ADGRB2: variants seen among roughly 807,000 people sequenced by gnomAD.
The protein encoded by ADGRB2 is adhesion G protein-coupled receptor B2.
ADGRB2 carries 47 observed loss-of-function variants against 178.7 expected under a neutral mutation model. The ratio of observed to expected loss-of-function variants is 0.26; its 90% confidence interval spans 0.21 to 0.34. The LOEUF (loss-of-function observed/expected upper bound fraction) is 0.34, where lower values mean the gene tolerates loss of function less well. Among genes scored for constraint, ADGRB2 ranks in the 10% least tolerant of loss-of-function variants. The pLI, the probability that ADGRB2 is intolerant of heterozygous loss-of-function variation, is 1.00. For synonymous variants in ADGRB2, 870 were observed against 912.4 expected (o/e 0.95, Z 0.84); for missense variants, 1,584 against 2,180.8 (o/e 0.73, Z 5.45).
In ADGRB2 at chr1:31,729,967, G is replaced by A. The variant is rs557826389; in HGVS notation, c.4380+833C>T. Among the ~76,000 whole-genome samples, 13 of 152,382 alleles carry A rather than the reference G, an allele frequency of 8.5e-5. No individual in the cohort carries two copies. In the South Asian group the frequency reaches 1.4e-3, roughly 17 times the overall value. On this transcript the variant is annotated intron_variant, in intron 29 of 32. Coordinates refer to ENST00000373658, the MANE Select transcript of ADGRB2 (RefSeq NM_001364857.2). Reference sequence around the variant, plus strand: ...CCCCGTAGCTACTAACTTAATTTTCGTCTTGTGGCGGATGGGGAGTGGGTT... The same window carrying A: ...CCCCGTAGCTACTAACTTAATTTTCATCTTGTGGCGGATGGGGAGTGGGTT...
At chr1:31,743,107 G>A in intron 6 of ADGRB2, 105 bp from the exon 7 acceptor site, 1 of 1,249,994 alleles carries the variant, frequency 8.0e-7, no homozygotes, top group Non-Finnish European at 1.0e-6. Context: ...CTCTGCGGCT[G>A]CTCCTCATTG....
rs924376809 is a variant in ADGRB2, at chr1:31,735,905, G to T, written c.3201-12C>A. 6.3e-7 allele frequency: 1 copy of T among 1,578,834 alleles called. No individual in the cohort carries two copies. Among genetic ancestry groups the T allele is most frequent in the Admixed American group, 1.8e-5 (1 of 54,270 alleles). ...GGGAGAGCCAGCAGCTGGGGTGGGG[G>T]AGAAGAAGGGTGTCAGACACCCAGC... On this transcript the variant is annotated splice_polypyrimidine_tract_variant and intron_variant, in intron 22 of 32. Coordinates refer to ENST00000373658, the MANE Select transcript of ADGRB2 (RefSeq NM_001364857.2). This position sits in a 1 kb window ranked among gnomAD's most constrained non-coding sequence, Gnocchi z 6.0.
At chr1:31,752,991 G>T (rs1051350956) in intron 4 of ADGRB2, among the ~76,000 whole-genome samples, 3 of 152,152 alleles carry the variant, frequency 2.0e-5, no homozygotes, top group Admixed American at 6.5e-5. Flanking sequence ...GGGGAGGTAG[G>T]GATTGTGGCC....
In ADGRB2 at chr1:31,740,595, C is replaced by A; in HGVS notation, c.1795-54G>T. On this transcript the variant is annotated intron_variant, in intron 11 of 32. Transcript: ENST00000373658. This position sits in a 1 kb window ranked among gnomAD's most constrained non-coding sequence, Gnocchi z 5.9. Reference sequence around the variant, plus strand: ...TGAAGTGTCAGGAGCTGGAACCAGACCCTGGCCCATCCCACTCCAGTCCAC... The same window carrying A: ...TGAAGTGTCAGGAGCTGGAACCAGAACCTGGCCCATCCCACTCCAGTCCAC... 6 of 1,499,588 alleles carry A rather than the reference C, an allele frequency of 4.0e-6. No homozygotes were observed. The highest frequency in any genetic ancestry group is 2.2e-5 in the Admixed American group (1 of 45,806). The allele number at this position is 1,499,588 out of a possible 1,614,324, so 92.9% of individuals were successfully genotyped here.
rs1645907278 is a variant in ADGRB2, at chr1:31,740,886, G to GGT, written c.1795-346_1795-345insAC. 3.8e-5 allele frequency among the ~76,000 whole-genome samples: 4 copies of GGT among 104,792 alleles called. No homozygotes were observed. Among genetic ancestry groups the GGT allele is most frequent in the East Asian group, 3.9e-4 (1 of 2,534 alleles). 68.7% of individuals were successfully genotyped at this position (104,792 alleles called of 152,430 possible). A position where few individuals can be genotyped will look rare whatever the true frequency, so the allele number is the denominator to read the frequency against. On this transcript the variant is annotated intron_variant, in intron 11 of 32. Coordinates refer to ENST00000373658, the MANE Select transcript of ADGRB2 (RefSeq NM_001364857.2). This position sits in a 1 kb window ranked among gnomAD's most constrained non-coding sequence, Gnocchi z 5.9. Reference sequence around the variant, plus strand: ...CTGGAGTGTAATGAGCATGTGTGTGGGCGCGCGCGCACACACACACACACA... The same window carrying GGT: ...CTGGAGTGTAATGAGCATGTGTGTGGGTGCGCGCGCGCACACACACACACACA...
chr1:31,743,146 G>T (rs969675159), intron 6 of ADGRB2, 144 bp from the exon 7 acceptor site: 14 of 998,918 alleles, frequency 1.4e-5, no homozygotes, highest in Admixed American at 1.1e-4. Context: ...TTGCCAGGGG[G>T]ATCTCCCAGG....
rs1195356944 is a variant in ADGRB2, at chr1:31,728,158, G to T, written c.4515+24C>A. On this transcript the variant is annotated intron_variant, in intron 31 of 32. Transcript: ENST00000373658. This position sits in a 1 kb window ranked among gnomAD's most constrained non-coding sequence, Gnocchi z 6.7. The stretch of plus-strand genomic sequence containing the variant: ...GTCAGGCCCTGAGCTTCAGGGCAGG[G>T]GCAGCCACGGGAGGAGCCCTCACCT... 6.2e-7 allele frequency: 1 copy of T among 1,614,006 alleles called. No homozygotes were observed. Among genetic ancestry groups the T allele is most frequent in the African/African-American group, 1.3e-5 (1 of 75,064 alleles).
chr1:31,755,225 C>T lies in ADGRB2; in HGVS notation c.838+774G>A, dbSNP rs1557788219. Among the ~76,000 whole-genome samples the T allele has an allele frequency of 6.6e-6, 1 of 152,234 alleles. No homozygotes were observed. The highest frequency in any genetic ancestry group is 1.5e-5 in the Non-Finnish European group (1 of 68,038). On this transcript the variant is annotated intron_variant, in intron 4 of 32. Coordinates refer to ENST00000373658, the MANE Select transcript of ADGRB2 (RefSeq NM_001364857.2). This position sits in a 1 kb window ranked among gnomAD's most constrained non-coding sequence, Gnocchi z 5.1. The stretch of plus-strand genomic sequence containing the variant: ...AGGATCCAGCTGAGGCCCTCAGGGC[C>T]TTGAAGCTGCAGGAAGCAGGGTCTG...
At position 31,754,867 on chromosome 1, in the gene ADGRB2, A is replaced by G. The variant is rs1202111478; in HGVS notation, c.838+1132T>C. On this transcript the variant is annotated intron_variant, in intron 4 of 32. Coordinates refer to ENST00000373658, the MANE Select transcript of ADGRB2 (RefSeq NM_001364857.2). This position sits in a 1 kb window ranked among gnomAD's most constrained non-coding sequence, Gnocchi z 5.7. ...AGGTAGAGGCCAACTCCAGGGCTCT[A>G]GCCAGCAGAGCAGGGCTGGGGACAG... is the stretch of plus-strand genomic sequence containing the variant. Among the ~76,000 whole-genome samples, 1 of 152,248 alleles carries G rather than the reference A, an allele frequency of 6.6e-6. No homozygotes were observed. The highest frequency in any genetic ancestry group is 1.5e-5 in the Non-Finnish European group (1 of 68,042).
At position 31,744,099 on chromosome 1, in the gene ADGRB2, G is replaced by C; in HGVS notation, c.1087+94C>G. ...CAGCCACATTTGTTGAATGAAAGGAGGAGGCAACCAACCATTTTGGAGATT... is the reference window on the plus strand; with the variant it reads ...CAGCCACATTTGTTGAATGAAAGGACGAGGCAACCAACCATTTTGGAGATT... On this transcript the variant is annotated intron_variant, in intron 6 of 32. Transcript: ENST00000373658. This position sits in a 1 kb window ranked among gnomAD's most constrained non-coding sequence, Gnocchi z 6.7. 1 of 1,399,656 alleles carries C rather than the reference G, an allele frequency of 7.1e-7. No individual in the cohort carries two copies. The highest frequency in any genetic ancestry group is 1.9e-4 in the Middle Eastern group (1 of 5,378). 86.7% of individuals were successfully genotyped at this position (1,399,656 alleles called of 1,614,324 possible). A position where few individuals can be genotyped will look rare whatever the true frequency, so the allele number is the denominator to read the frequency against.
intron 7 of ADGRB2, among the ~76,000 whole-genome samples, chr1:31,742,519 G>A (rs1365636419): frequency 1.3e-5 from 2 of 152,214 alleles, no homozygotes; most frequent in African/African-American, 4.8e-5. Flanking sequence ...ATCTTTGCCA[G>A]CACTTCAGCC....
Position 31,755,361 on chromosome 1 carries a change from C to T in ADGRB2, c.838+638G>A, listed in dbSNP as rs1253120825. 4.6e-5 allele frequency among the ~76,000 whole-genome samples: 7 copies of T among 152,256 alleles called. No individual in the cohort carries two copies. The highest frequency in any genetic ancestry group is 1.9e-4 in the East Asian group (1 of 5,174). ...AGGAAGCTCTAGCAGCTGGCGGCCT[C>T]GGTCCCAGAAGACATGGGTCCTGAG... On this transcript the variant is annotated intron_variant, in intron 4 of 32. Transcript: ENST00000373658. The surrounding 1 kb of genome is among the most constrained non-coding windows in gnomAD (Gnocchi z 5.1).
At position 31,733,589 on chromosome 1, in the gene ADGRB2, C is replaced by T. The variant is rs551722943; in HGVS notation, c.3453-446G>A. Reference sequence around the variant, plus strand: ...AACAACCACAGTGAGAGAACGCATGCGACAGAGACACCCAGACAGAAAGAT... The same window carrying T: ...AACAACCACAGTGAGAGAACGCATGTGACAGAGACACCCAGACAGAAAGAT... On this transcript the variant is annotated intron_variant, in intron 25 of 32. Coordinates refer to ENST00000373658, the MANE Select transcript of ADGRB2 (RefSeq NM_001364857.2). This position sits in a 1 kb window ranked among gnomAD's most constrained non-coding sequence, Gnocchi z 4.3. Among the ~76,000 whole-genome samples, 5 of 152,238 alleles carry T rather than the reference C, an allele frequency of 3.3e-5. No individual in the cohort carries two copies. The South Asian group carries it at 6.2e-4, about 19-fold the overall frequency.
At position 31,738,213 on chromosome 1, in the gene ADGRB2, G is replaced by T. The variant is rs200992106; in HGVS notation, c.2759C>A (p.Pro920Gln). 1 of 1,614,118 alleles carries T rather than the reference G, an allele frequency of 6.2e-7. No homozygotes were observed. Among genetic ancestry groups the T allele is most frequent in the Non-Finnish European group, 8.5e-7 (1 of 1,180,000 alleles). ...HLSTFAVLAQ[P>Q]PKDLTLELAG... Reference sequence around the variant, plus strand: ...TGTTCCACTCACCAGGTCCTTGGGCGGCTGGGCTAGTACAGCAAAGGTGGA... The same window carrying T: ...TGTTCCACTCACCAGGTCCTTGGGCTGCTGGGCTAGTACAGCAAAGGTGGA... The change falls in exon 18 of 33, where the codon CCG becomes CAG. Residue 920 changes from proline to glutamine, a missense_variant. This residue lies in a region of ADGRB2 where 865 missense variants were observed against 1,192.8 expected (regional missense o/e 0.73). Transcript: ENST00000373658.
chr1:31,730,605 G>T (rs1023045131), intron 29 of ADGRB2, among the ~76,000 whole-genome samples, 195 bp downstream of exon 29: 1 of 152,222 alleles, frequency 6.6e-6, no homozygotes, highest in Non-Finnish European at 1.5e-5. Context: ...TCTACTGTGT[G>T]AAGTCCCAGC....
rs1328891803 is a variant in ADGRB2, at chr1:31,727,803, C to T, written c.4573-198G>A. On this transcript the variant is annotated intron_variant, in intron 32 of 32. Coordinates refer to ENST00000373658, the MANE Select transcript of ADGRB2 (RefSeq NM_001364857.2). This position sits in a 1 kb window ranked among gnomAD's most constrained non-coding sequence, Gnocchi z 4.4. ...CCCCTGTTCTCAGTGGCCCCCAGGA[C>T]ATGTCTCCTGCTGACCACTCTCCCT... 1 of 847,064 alleles carries T rather than the reference C, an allele frequency of 1.2e-6. No individual in the cohort carries two copies. Among genetic ancestry groups the T allele is most frequent in the Admixed American group, 2.9e-5 (1 of 33,932 alleles). 52.5% of individuals were successfully genotyped at this position (847,064 alleles called of 1,614,324 possible). A position where few individuals can be genotyped will look rare whatever the true frequency, so the allele number is the denominator to read the frequency against.
At position 31,727,228 on chromosome 1, in the gene ADGRB2, A is replaced by G; in HGVS notation, c.*192T>C. 1 of 584,028 alleles carries G rather than the reference A, an allele frequency of 1.7e-6. No homozygotes were observed. The highest frequency in any genetic ancestry group is 2.7e-6 in the Non-Finnish European group (1 of 363,686). The allele number at this position is 584,028 out of a possible 1,614,324, so 36.2% of individuals were successfully genotyped here. A position where few individuals can be genotyped will look rare whatever the true frequency, so the allele number is the denominator to read the frequency against. ...GGTTCCAGTGGCTGAGGGGCCTCTG[A>G]GAAACAAGGAAGGGCCCTGGGACCC... On this transcript the variant is annotated 3_prime_UTR_variant, in exon 33 of 33. Coordinates refer to ENST00000373658, the MANE Select transcript of ADGRB2 (RefSeq NM_001364857.2). The surrounding 1 kb of genome is among the most constrained non-coding windows in gnomAD (Gnocchi z 4.4).
chr1:31,750,886 C>A (rs945350251), intron 4 of ADGRB2, among the ~76,000 whole-genome samples: 3 of 152,110 alleles, frequency 2.0e-5, no homozygotes, highest in Non-Finnish European at 2.9e-5. Flanking sequence ...ACCGCCCCCC[C>A]CAATAATTCT....
At chr1:31,745,435 C>T (rs1646223209) in intron 4 of ADGRB2, among the ~76,000 whole-genome samples, 1 of 152,204 alleles carries the variant, frequency 6.6e-6, no homozygotes, top group Admixed American at 6.5e-5. Context: ...CTACCTTGAC[C>T]CTGGCCCCAC....
Sources: allele counts gnomAD v4.1 joint callset (sites outside exome capture counted in the v4.1 genomes callset), GRCh38; gene constraint gnomAD v4.1.1; regional missense constraint gnomAD v4.1.1; non-coding constraint Gnocchi (gnomAD v3.1); transcripts MANE v1.5; gene names NCBI Gene and HGNC (gene_info 2026-07-23, HGNC 2026-07-21).